Variants in PLCZ1 observed in about 807,000 individuals in gnomAD.
The protein encoded by PLCZ1 is 1-phosphatidylinositol 4,5-bisphosphate phosphodiesterase zeta-1.
A neutral mutation model predicts 76.8 loss-of-function variants in PLCZ1; 64 were observed. The ratio of observed to expected loss-of-function variants is 0.83; its 90% CI spans 0.68 to 1.03. The LOEUF (loss-of-function observed/expected upper bound fraction) is 1.03, where lower values mean the gene tolerates loss of function less well. Ranked by LOEUF, PLCZ1 falls within the 50% of genes least tolerant of loss-of-function variation. PLCZ1 has a pLI of 0.00. For missense variants in PLCZ1, 751 were observed against 713.7 expected (o/e 1.05, Z -0.60); for synonymous variants, 248 against 230.8 (o/e 1.07, Z -0.68).
At chr12:18,701,211 C>G (rs1240305224) in intron 9 of PLCZ1, among the ~76,000 whole-genome samples, 1 of 152,050 alleles carries the variant, frequency 6.6e-6, no homozygotes, top group Non-Finnish European at 1.5e-5. Flanking sequence ...TCTCAAACTC[C>G]TGACTTCATG....
chr12:18,723,635 A>C (rs904936287), intron 3 of PLCZ1, 93 bp from the exon 4 acceptor site: 1 of 977,814 alleles, frequency 1.0e-6, no homozygotes, highest in Non-Finnish European at 1.6e-6. Context: ...AGTAATTTAT[A>C]CTTGAAAGAA....
At chr12:18,714,495 G>C (rs189312943) in intron 5 of PLCZ1, among the ~76,000 whole-genome samples, 1 of 152,272 alleles carries the variant, frequency 6.6e-6, no homozygotes, top group Non-Finnish European at 1.5e-5. Context: ...AGAAAAATGT[G>C]ATCTAAAACG....
intron 3 of PLCZ1, among the ~76,000 whole-genome samples, chr12:18,735,196 T>C (rs1959192047): frequency 6.6e-6 from 1 of 152,222 alleles, no homozygotes; most frequent in Non-Finnish European, 1.5e-5. Flanking sequence ...TCATCAGGAA[T>C]ATTGGCCTAA....
intron 12 of PLCZ1, among the ~76,000 whole-genome samples, chr12:18,689,777 G>A (rs543694920): frequency 6.6e-6 from 1 of 152,280 alleles, no homozygotes; most frequent in South Asian, 2.1e-4. Context: ...GATTGCAGGT[G>A]ACGAAGAGTA....
At chr12:18,650,730 A>ATATC in the PLCZ1 span, among the ~76,000 whole-genome samples, 35 of 25,184 alleles carry the variant, frequency 1.4e-3, 1 homozygote, top group Non-Finnish European at 2.0e-3. Flanking sequence ...ATATATATAT[A>ATATC]TATATATATA....
chr12:18,714,747 A>G (rs1003753151), intron 5 of PLCZ1: 1 of 152,172 alleles, frequency 6.6e-6, no homozygotes, highest in African/African-American at 2.4e-5. Flanking sequence ...GGCTGCCACA[A>G]CTGGAGATAG....
chr12:18,713,065 A>T, intron 5 of PLCZ1, 79 bp from the exon 6 acceptor site: 1 of 1,551,886 alleles, frequency 6.4e-7, no homozygotes, highest in Non-Finnish European at 8.8e-7. Flanking sequence ...TATTCCAAAG[A>T]CCATTTGATT....
chr12:18,719,598 A>C lies in PLCZ1; in HGVS notation c.402T>G (p.Phe134Leu). 1 of 1,605,436 alleles carries C rather than the reference A, an allele frequency of 6.2e-7. No homozygotes were observed. The highest frequency in any genetic ancestry group is 8.5e-7 in the Non-Finnish European group (1 of 1,175,488). Residue 134 changes from phenylalanine (F) to leucine (L), a missense_variant, in exon 5 of 15, where the codon TTT (phenylalanine) becomes TTG (leucine). By Grantham distance (22) the Phe-to-Leu change is conservative. Transcript: ENST00000266505. ...RKAHQMSLEG[F>L]TRYMDSRECL... Reference sequence around the variant, plus strand: ...ATTCACGTGAATCCATGTATCTTGTAAAACCTTCTAATGACATTTGGTGTG... The same window carrying C: ...ATTCACGTGAATCCATGTATCTTGTCAAACCTTCTAATGACATTTGGTGTG...
intron 3 of PLCZ1, among the ~76,000 whole-genome samples, chr12:18,725,408 G>A (rs1378556909): frequency 6.6e-6 from 1 of 152,054 alleles, no homozygotes; most frequent in Non-Finnish European, 1.5e-5. Context: ...AAAAATCTTA[G>A]GTAAATTGTC....
intron 12 of PLCZ1, chr12:18,693,064 G>A (rs553937876): frequency 6.7e-7 from 1 of 1,490,980 alleles, no homozygotes; most frequent in African/African-American, 1.4e-5. Context: ...GAAGGGAAAA[G>A]ATCAAAAGTG....
intron 3 of PLCZ1, among the ~76,000 whole-genome samples, chr12:18,734,831 TC>T (rs1959185196): frequency 6.6e-6 from 1 of 152,254 alleles, no homozygotes; most frequent in African/African-American, 2.4e-5. Context: ...AGAGTGGGCA[TC>T]CTTGCCTTTT....
At chr12:18,707,870 T>C (rs1361397807) in intron 6 of PLCZ1, among the ~76,000 whole-genome samples, 5 of 152,200 alleles carry the variant, frequency 3.3e-5, no homozygotes, top group African/African-American at 1.2e-4. Context: ...TTTGGGTGTT[T>C]TTAAATGCAT....
chr12:18,708,553 G>A (rs909124730), intron 6 of PLCZ1, among the ~76,000 whole-genome samples: 12 of 152,120 alleles, frequency 7.9e-5, no homozygotes, highest in African/African-American at 2.9e-4. Context: ...TCATATGGTG[G>A]CTCTATTTTT....
chr12:18,662,841 C>T, the PLCZ1 span, among the ~76,000 whole-genome samples: 20 of 151,822 alleles, frequency 1.3e-4, no homozygotes, highest in Non-Finnish European at 2.9e-4. Flanking sequence ...ACAGAAAATG[C>T]ACATAGAATA....
rs7969039 is a variant in PLCZ1, at chr12:18,725,535, C to G, written c.136-1993G>C. Among the ~76,000 whole-genome samples, 7 of 152,050 alleles carry G rather than the reference C, an allele frequency of 4.6e-5. No homozygotes were observed. The East Asian group carries it at 1.4e-3, about 29-fold the overall frequency. ...AGATTAACAGTATATATGCAGAAAT[C>G]AATTCTGTAAATTGCAAATCTGACC... On this transcript the variant is annotated intron_variant, in intron 3 of 14. Coordinates refer to ENST00000266505, the MANE Select transcript of PLCZ1 (RefSeq NM_033123.4).
In PLCZ1 at chr12:18,683,285, C is replaced by G; in HGVS notation, c.1781G>C (p.Ser594Thr). 6.2e-7 allele frequency: 1 copy of G among 1,612,618 alleles called. No individual in the cohort carries two copies. The highest frequency in any genetic ancestry group is 8.5e-7 in the Non-Finnish European group (1 of 1,179,072). ...AACAAACAGTGAAGCAGGCTCAAGG[C>G]TCTCACCCATTCTGGAAAACAGAGG... ...RIPLFSRMGE[S>T]LEPASLFVYV... The change falls in exon 15 of 15, where the codon AGC (serine) becomes ACC (threonine). Residue 594 changes from serine (S) to threonine (T), a missense_variant. By Grantham distance (58) the Ser-to-Thr change is moderately conservative. Transcript: ENST00000266505.
chr12:18,660,774 C>G, the PLCZ1 span, among the ~76,000 whole-genome samples: 23 of 152,080 alleles, frequency 1.5e-4, no homozygotes, highest in African/African-American at 5.5e-4. Context: ...AGGCATCCAA[C>G]AAACAGGAAA....
rs1958561852 is a variant in PLCZ1, at chr12:18,723,355, G to A, written c.323C>T (p.Ala108Val). Reference protein sequence around the residue: ...QEQYAAEMSKAIAFEIIQKYE... With the variant: ...QEQYAAEMSKVIAFEIIQKYE... ...TTTCTGAATGATCTCAAAAGCAATAGCTTTACTCATCTCAGCTGCATATTG... is the reference window on the plus strand; with the variant it reads ...TTTCTGAATGATCTCAAAAGCAATAACTTTACTCATCTCAGCTGCATATTG... Residue 108 changes from alanine to valine, a missense_variant, in exon 4 of 15, where the codon GCT becomes GTT. By Grantham distance (64) the Ala-to-Val change is moderately conservative. Coordinates refer to ENST00000266505, the MANE Select transcript of PLCZ1 (RefSeq NM_033123.4). 2 of 1,612,520 alleles carry A rather than the reference G, an allele frequency of 1.2e-6. No homozygotes were observed. The highest frequency in any genetic ancestry group is 1.3e-5 in the African/African-American group (1 of 74,840).
At chr12:18,652,183 C>G in the PLCZ1 span, among the ~76,000 whole-genome samples, 1 of 151,972 alleles carries the variant, frequency 6.6e-6, no homozygotes. Flanking sequence ...AAAAAGGTTA[C>G]TAAAGATGTA....
Sources: gnomAD v4.1 joint callset for allele counts (sites outside exome capture counted in the v4.1 genomes callset) on GRCh38, gnomAD v4.1.1 for gene constraint, MANE v1.5 for transcripts, NCBI Gene and HGNC (gene_info 2026-07-23, HGNC 2026-07-21) for gene names.